POLR1F: variants seen among roughly 807,000 people sequenced by gnomAD.
The protein encoded by POLR1F is DNA-directed RNA polymerase I subunit RPA43.
In POLR1F, 23 loss-of-function variants were observed where a neutral mutation model predicts 21.8. The observed-to-expected ratio is 1.05, with a 90% confidence interval of 0.76 to 1.49. The LOEUF is 1.49. Ranked by LOEUF, POLR1F falls within the 40% of genes most tolerant of loss-of-function variation. POLR1F has a pLI of 0.00. For synonymous variants in POLR1F, 162 were observed against 152.8 expected, an observed-to-expected ratio of 1.06 and a Z score of -0.45; for missense variants, 435 against 412.1, an observed-to-expected ratio of 1.06 and a Z score of -0.48.
chr7:19,708,741 G>A, intron 1 of POLR1F, 22 bp downstream of exon 1: 4 of 1,591,232 alleles, frequency 2.5e-6, no homozygotes, highest in Non-Finnish European at 3.4e-6. Context: ...ACAAAAGAAG[G>A]AACAGGCAAA....
rs993850046 is a variant in POLR1F at position 19,700,083 on chromosome 7, T to C, written c.594A>G (p.Leu198=). 9 of 1,613,414 alleles carry C rather than the reference T, an allele frequency of 5.6e-6. No homozygotes were observed. The highest frequency in any genetic ancestry group is 2.2e-5 in the East Asian group (1 of 44,880). The change falls in exon 3 of 4, where the codon CTA becomes CTG. Residue 198 remains leucine, a synonymous_variant. Transcript: ENST00000222567. ...AATGATAAACTAACCTTGTGATATT[T>C]AGTTTTCCCCGAATGCAGAATACTC... is the stretch of plus-strand genomic sequence containing the variant. The part of the protein sequence containing the change: ...AAGVFCIRGK[L]NITSLQFKRS...
In POLR1F at chr7:19,708,858, G is replaced by C. The variant is rs760352981; in HGVS notation, c.159C>G (p.His53Gln). The C allele has an allele frequency of 6.2e-7, 1 of 1,614,206 alleles. No individual in the cohort carries two copies. Among genetic ancestry groups the C allele is most frequent in the South Asian group, 1.1e-5 (1 of 91,086 alleles). The change falls in exon 1 of 4, where the codon CAC (histidine) becomes CAG (glutamine). Residue 53 changes from histidine to glutamine, a missense_variant. Coordinates refer to ENST00000222567, the MANE Select transcript of POLR1F (RefSeq NM_001002926.2). ...SRYSCLVAGP[H>Q]QRHIALSPRY... ...GGGGCGACAGCGCGATGTGCCTTTG[G>C]TGCGGCCCGGCCACCAGGCATGAGT...
chr7:19,705,623 T>C (rs1203833035), intron 1 of POLR1F, among the ~76,000 whole-genome samples: 1 of 152,234 alleles, frequency 6.6e-6, no homozygotes. Flanking sequence ...TGATAGTAAA[T>C]GCAAATGTTA....
chr7:19,701,224 T>C (rs1232895416), intron 2 of POLR1F, among the ~76,000 whole-genome samples: 1 of 152,162 alleles, frequency 6.6e-6, no homozygotes, highest in Non-Finnish European at 1.5e-5. Context: ...GATAAATAAG[T>C]TCTCACCATA....
In POLR1F at chr7:19,697,867, ATTAG is replaced by A. The variant is rs1481946652; in HGVS notation, c.*445_*448del. ...AAGCCATGATAAAGGAAAACCTAAA[ATTAG>A]TTAATGTCCTGAGTTTTTAAAAAAG... On this transcript the variant is annotated 3_prime_UTR_variant, in exon 4 of 4. Transcript: ENST00000222567. The A allele has an allele frequency of 1.3e-5, 2 of 152,532 alleles. No homozygotes were observed. The highest frequency in any genetic ancestry group is 4.8e-5 in the African/African-American group (2 of 41,456). 9.4% of individuals were successfully genotyped at this position (152,532 alleles called of 1,614,324 possible). A position where few individuals can be genotyped will look rare whatever the true frequency, so the allele number is the denominator to read the frequency against.
intron 1 of POLR1F, among the ~76,000 whole-genome samples, chr7:19,705,885 T>A (rs72591431): frequency 1.3e-5 from 2 of 151,954 alleles, no homozygotes; most frequent in African/African-American, 2.4e-5. Context: ...AAACAAAACC[T>A]GGTGGCTTCA....
At position 19,698,352 on chromosome 7, in the gene POLR1F, G is replaced by A; in HGVS notation, c.981C>T (p.Cys327=). ...EEAEFTPPLK[C]SPKRKGKSNF... ...TACTTTTCCCTTTTCTTTTTGGTGA[G>A]CATTTCAAAGGTGGGGTAAATTCGG... Residue 327 remains cysteine (C), a synonymous_variant, in exon 4 of 4, where the codon TGC becomes TGT. Transcript: ENST00000222567. The A allele has an allele frequency of 6.4e-7, 1 of 1,573,598 alleles. No individual in the cohort carries two copies. Among genetic ancestry groups the A allele is most frequent in the Admixed American group, 2.1e-5 (1 of 46,520 alleles).
At chr7:19,699,497 C>G (rs1157009505) in intron 3 of POLR1F, among the ~76,000 whole-genome samples, 2 of 152,138 alleles carry the variant, frequency 1.3e-5, no homozygotes. Flanking sequence ...AACTTCAACC[C>G]ATACTCTTGT....
At chr7:19,705,708 T>C (rs1435354894) in intron 1 of POLR1F, among the ~76,000 whole-genome samples, 1 of 152,206 alleles carries the variant, frequency 6.6e-6, no homozygotes, top group African/African-American at 2.4e-5. Flanking sequence ...GGGACAACTA[T>C]TTTTCAAACT....
At position 19,708,971 on chromosome 7, in the gene POLR1F, C is replaced by T. The variant is rs1321550001; in HGVS notation, c.46G>A (p.Asp16Asn). 1 of 1,599,808 alleles carries T rather than the reference C, an allele frequency of 6.3e-7. No individual in the cohort carries two copies. Residue 16 changes from aspartate to asparagine, a missense_variant, in exon 1 of 4, where the codon GAT becomes AAT. Asp to Asn is a conservative substitution (Grantham distance 23). Coordinates refer to ENST00000222567, the MANE Select transcript of POLR1F (RefSeq NM_001002926.2). ...SEAPRPAAAS[D>N]GSLVGQAGVL... ...CCAGCCTGCCCTACCAGAGACCCAT[C>T]AGAAGCCGCCGCTGGCCGCGGCGCC... is the stretch of plus-strand genomic sequence containing the variant.
At chr7:19,701,407 G>A (rs1396603144) in intron 2 of POLR1F, among the ~76,000 whole-genome samples, 1 of 152,164 alleles carries the variant, frequency 6.6e-6, no homozygotes, top group African/African-American at 2.4e-5. Context: ...ATGAATAGGT[G>A]GAGCACAAGC....
rs200022432 is a variant in POLR1F at position 19,708,558 on chromosome 7, CTCTA to C, written c.254+201_254+204del. Among the ~76,000 whole-genome samples the C allele has an allele frequency of 5.9e-5, 9 of 152,292 alleles. No individual in the cohort carries two copies. In the East Asian group the frequency reaches 1.4e-3, roughly 23 times the overall value. Reference sequence around the variant, plus strand: ...CTGAACTTCATCTTTAAGTTTTCTTCTCTATCTATGAAAGGGACCCTGTATAGAT... The same window carrying C: ...CTGAACTTCATCTTTAAGTTTTCTTCTCTATGAAAGGGACCCTGTATAGAT... On this transcript the variant is annotated intron_variant, in intron 1 of 3. Coordinates refer to ENST00000222567, the MANE Select transcript of POLR1F (RefSeq NM_001002926.2).
At chr7:19,701,340 C>A (rs1178377500) in intron 2 of POLR1F, among the ~76,000 whole-genome samples, 1 of 152,012 alleles carries the variant, frequency 6.6e-6, no homozygotes, top group Non-Finnish European at 1.5e-5. Context: ...ACTACGGAAA[C>A]AGTAAAAAGA....
chr7:19,702,838 T>C (rs575940406), intron 2 of POLR1F, among the ~76,000 whole-genome samples: 1 of 152,318 alleles, frequency 6.6e-6, no homozygotes, highest in South Asian at 2.1e-4. Flanking sequence ...GAGATACTAC[T>C]ATATGCCCAT....
In POLR1F at chr7:19,700,306, G is replaced by A. The variant is rs369577528; in HGVS notation, c.397-26C>T. The A allele has an allele frequency of 1.3e-5, 21 of 1,573,316 alleles. No individual in the cohort carries two copies. The East Asian group carries it at 2.2e-4, about 17-fold the overall frequency. On this transcript the variant is annotated intron_variant, in intron 2 of 3. Coordinates refer to ENST00000222567, the MANE Select transcript of POLR1F (RefSeq NM_001002926.2). ...CTGGGAAGAAGAAGGAAGAAAGAGC[G>A]TAACATAAAGAACACATCCACAAAG...
In POLR1F at chr7:19,708,765, C is replaced by T. The variant is rs1240954293; in HGVS notation, c.252G>A (p.Glu84=). ...GGAACAGGCAAAGAGATCGGTACCTCTCAGAATAGCGAAGGAGCTCCGCAT... is the reference window on the plus strand; with the variant it reads ...GGAACAGGCAAAGAGATCGGTACCTTTCAGAATAGCGAAGGAGCTCCGCAT... ...QLDAELLRYS[E]SLLGVPIAYD... The change falls in exon 1 of 4, where the codon GAG becomes GAA. Residue 84 remains glutamate (E), a splice_region_variant and synonymous_variant. Transcript: ENST00000222567. The T allele has an allele frequency of 6.2e-7, 1 of 1,610,906 alleles. No homozygotes were observed. Among genetic ancestry groups the T allele is most frequent in the Non-Finnish European group, 8.5e-7 (1 of 1,177,434 alleles).
In POLR1F at chr7:19,698,110, A is replaced by G. The variant is rs192118495; in HGVS notation, c.*206T>C. 4.8e-6 allele frequency: 2 copies of G among 420,270 alleles called. No homozygotes were observed. The highest frequency in any genetic ancestry group is 8.2e-5 in the Admixed American group (2 of 24,450). 26.0% of individuals were successfully genotyped at this position (420,270 alleles called of 1,614,324 possible). On this transcript the variant is annotated 3_prime_UTR_variant, in exon 4 of 4. Coordinates refer to ENST00000222567, the MANE Select transcript of POLR1F (RefSeq NM_001002926.2). ...GAGAGCAGCTTTTTATTTTGTATAA[A>G]ATGGTATTTTAACAATACTGGCTTT...
intron 2 of POLR1F, among the ~76,000 whole-genome samples, chr7:19,701,980 C>T (rs887178427): frequency 1.2e-4 from 18 of 152,080 alleles, no homozygotes; most frequent in Non-Finnish European, 2.2e-4. Flanking sequence ...TGTCAGTGTA[C>T]GTTTCATTCA....
At chr7:19,701,844 CTGT>C (rs1449695401) in intron 2 of POLR1F, among the ~76,000 whole-genome samples, 1 of 151,906 alleles carries the variant, frequency 6.6e-6, no homozygotes, top group East Asian at 1.9e-4. Flanking sequence ...CTCAGAGCTT[CTGT>C]TGTTAATTGT....
Sources: allele counts gnomAD v4.1 joint callset (sites outside exome capture counted in the v4.1 genomes callset), GRCh38; gene constraint gnomAD v4.1.1; transcripts MANE v1.5; gene names NCBI Gene and HGNC (gene_info 2026-07-23, HGNC 2026-07-21).